RBMS3: variants seen among roughly 807,000 people sequenced by gnomAD.
The protein encoded by RBMS3 is RNA-binding motif, single-stranded-interacting protein 3.
Under a neutral mutation model 66.8 loss-of-function variants are expected in RBMS3, and 27 were observed. The ratio of observed to expected loss-of-function variants is 0.40; its 90% confidence interval spans 0.30 to 0.56. The LOEUF (loss-of-function observed/expected upper bound fraction) is 0.56. Among genes scored for constraint, RBMS3 ranks in the 20% least tolerant of loss-of-function variants. The pLI is 0.40. For synonymous variants in RBMS3, 188 were observed against 183.0 expected (o/e 1.03, Z -0.22); for missense variants, 513 against 549.5 (o/e 0.93, Z 0.66).
chr3:29,514,721 A>G (rs2044552056), intron 3 of RBMS3, among the ~76,000 whole-genome samples: 1 of 145,644 alleles, frequency 6.9e-6, no homozygotes, highest in African/African-American at 2.6e-5. Flanking sequence ...ATATGTGTAT[A>G]TGATAAGCAT....
At chr3:29,517,238 A>G (rs1196905039) in intron 3 of RBMS3, among the ~76,000 whole-genome samples, 1 of 149,686 alleles carries the variant, frequency 6.7e-6, no homozygotes, top group African/African-American at 2.5e-5. Flanking sequence ...AAAACATGAA[A>G]TTCTCATCTG....
chr3:29,582,058 G>A (rs1014264003), intron 3 of RBMS3, among the ~76,000 whole-genome samples: 1 of 152,082 alleles, frequency 6.6e-6, no homozygotes, highest in Admixed American at 6.6e-5. Context: ...CAACTGAATG[G>A]CAAAGGTCTC....
At chr3:29,570,651 G>A (rs1226725800) in intron 3 of RBMS3, among the ~76,000 whole-genome samples, 3 of 152,116 alleles carry the variant, frequency 2.0e-5, no homozygotes, top group East Asian at 1.9e-4. Context: ...GCAAATGACA[G>A]GATCTCATTC....
At chr3:29,601,843 A>G (rs1435289202) in intron 4 of RBMS3, among the ~76,000 whole-genome samples, 3 of 152,088 alleles carry the variant, frequency 2.0e-5, no homozygotes, top group Non-Finnish European at 2.9e-5. Context: ...TCACCAAGAT[A>G]AAACAGAAGA....
At chr3:29,940,237 A>G (rs181469140) in intron 11 of RBMS3, among the ~76,000 whole-genome samples, 3 of 151,888 alleles carry the variant, frequency 2.0e-5, no homozygotes, top group Admixed American at 2.0e-4. Context: ...ATTTGCTCCA[A>G]TCCATTCTCT....
At chr3:29,736,039 C>T (rs2054365196) in intron 4 of RBMS3, among the ~76,000 whole-genome samples, 1 of 151,934 alleles carries the variant, frequency 6.6e-6, no homozygotes, top group African/African-American at 2.4e-5. Flanking sequence ...TTCATAGTGC[C>T]AATGAACCTT....
At chr3:29,910,454 G>A (rs1408445719) in intron 10 of RBMS3, among the ~76,000 whole-genome samples, 1 of 152,032 alleles carries the variant, frequency 6.6e-6, no homozygotes, top group East Asian at 1.9e-4. Context: ...TCAGAAACGG[G>A]TTCACATATT....
chr3:29,807,151 A>C (rs2057576799), intron 6 of RBMS3, among the ~76,000 whole-genome samples: 1 of 151,970 alleles, frequency 6.6e-6, no homozygotes, highest in Non-Finnish European at 1.5e-5. Context: ...AAAGAAAACA[A>C]GTGCAAATAC....
intron 5 of RBMS3, among the ~76,000 whole-genome samples, chr3:29,761,598 T>C (rs2055691739): frequency 6.6e-6 from 1 of 152,146 alleles, no homozygotes; most frequent in African/African-American, 2.4e-5. Flanking sequence ...ACATTTGAAT[T>C]CTTATAGCTG....
chr3:29,848,070 T>C (rs2058834014), intron 6 of RBMS3, among the ~76,000 whole-genome samples: 2 of 152,196 alleles, frequency 1.3e-5, no homozygotes, highest in Admixed American at 1.3e-4. Context: ...ACCTTTTTTC[T>C]AGGTATCCCC....
At chr3:29,947,828 T>C (rs1029624920) in intron 12 of RBMS3, among the ~76,000 whole-genome samples, 4 of 151,010 alleles carry the variant, frequency 2.6e-5, no homozygotes, top group African/African-American at 9.7e-5. Context: ...TTTCAGTTGT[T>C]TTGAGCTTAA....
chr3:29,895,072 A>G lies in RBMS3; in HGVS notation c.792-2307A>G, dbSNP rs1337340535. Among the ~76,000 whole-genome samples, 4 of 151,568 alleles carry G rather than the reference A, an allele frequency of 2.6e-5. No homozygotes were observed. In the East Asian group the frequency reaches 7.8e-4, roughly 29 times the overall value. On this transcript the variant is annotated intron_variant, in intron 8 of 14. Transcript: ENST00000383767. ...CAGTGCAAAGAGTGAACATTTGTTC[A>G]CATTGCAATGGAAAGCCTATGGAGA...
intron 1 of RBMS3, among the ~76,000 whole-genome samples, chr3:29,313,776 G>C (rs984059407): frequency 2.6e-5 from 4 of 151,650 alleles, no homozygotes; most frequent in East Asian, 2.0e-4. Context: ...ACAGGTGACT[G>C]GTTTATAGAT....
At position 29,884,462 on chromosome 3, in the gene RBMS3, CTCTCT is replaced by C. The variant is rs1420937865; in HGVS notation, c.791+255_791+259del. 3.5e-3 allele frequency among the ~76,000 whole-genome samples: 476 copies of C among 135,256 alleles called. 5 individuals carry two copies. The highest frequency in any genetic ancestry group is 7.7e-3 in the African/African-American group (277 of 35,900). 88.7% of individuals were successfully genotyped at this position (135,256 alleles called of 152,430 possible). On this transcript the variant is annotated intron_variant, in intron 8 of 14. Coordinates refer to ENST00000383767, the MANE Select transcript of RBMS3 (RefSeq NM_001003793.3). ...TCTCTCTCTCTCTCTCTCTCTCTCT[CTCTCT>C]CTCCCCCCCCGCTCCCTCCCTCCCT...
chr3:29,338,330 T>A (rs1575572126), intron 1 of RBMS3, among the ~76,000 whole-genome samples: 1 of 152,290 alleles, frequency 6.6e-6, no homozygotes, highest in South Asian at 2.1e-4. Flanking sequence ...TGTGTCATAA[T>A]TTACAGATTG....
At chr3:29,993,786 C>T (rs939102281) in intron 14 of RBMS3, among the ~76,000 whole-genome samples, 3 of 152,238 alleles carry the variant, frequency 2.0e-5, no homozygotes, top group Non-Finnish European at 2.9e-5. Flanking sequence ...GACTTTCAGA[C>T]TCAAACTAGA....
chr3:29,549,569 T>C (rs991541436), intron 3 of RBMS3, among the ~76,000 whole-genome samples: 8 of 151,832 alleles, frequency 5.3e-5, no homozygotes, highest in Non-Finnish European at 5.9e-5. Flanking sequence ...CCAGCTAATT[T>C]TTGTCTTTTT....
At position 29,945,437 on chromosome 3, in the gene RBMS3, C is replaced by T. The variant is rs530809613; in HGVS notation, c.1098+1183C>T. ...TTAGCATTTGGCCGCGAAGTCATTT[C>T]GGTCCTCTTTAAGGTCTCTACAATA... On this transcript the variant is annotated intron_variant, in intron 12 of 14. Transcript: ENST00000383767. 4.0e-5 allele frequency among the ~76,000 whole-genome samples: 6 copies of T among 151,808 alleles called. No homozygotes were observed. In the South Asian group the frequency reaches 1.0e-3, roughly 26 times the overall value.
At chr3:29,811,616 C>T (rs2057730931) in intron 6 of RBMS3, among the ~76,000 whole-genome samples, 1 of 152,002 alleles carries the variant, frequency 6.6e-6, no homozygotes, top group Non-Finnish European at 1.5e-5. Flanking sequence ...AAAACTTGTT[C>T]CCTCTCCCCC....
Sources: gnomAD v4.1 joint callset for allele counts (sites outside exome capture counted in the v4.1 genomes callset) on GRCh38, gnomAD v4.1.1 for gene constraint, MANE v1.5 for transcripts, NCBI Gene and HGNC (gene_info 2026-07-23, HGNC 2026-07-21) for gene names.